The following FRMD4A variants were observed in gnomAD, a reference collection of about 807,000 sequenced individuals.
FRMD4A encodes FERM domain-containing protein 4A.
In FRMD4A, 29 loss-of-function variants were observed where a neutral mutation model predicts 129.1. The ratio of observed to expected loss-of-function variants is 0.22; its 90% CI spans 0.17 to 0.31. The LOEUF (loss-of-function observed/expected upper bound fraction) is 0.31. FRMD4A is among the 10% of genes least tolerant of loss of function. The pLI, the probability that FRMD4A is intolerant of heterozygous loss-of-function variation, is 1.00. For missense variants in FRMD4A, 1,272 were observed against 1,375.8 expected, an observed-to-expected ratio of 0.92 and a Z score of 1.19; for synonymous variants, 634 against 571.6, an observed-to-expected ratio of 1.11 and a Z score of -1.56.
intron 6 of FRMD4A, among the ~76,000 whole-genome samples, chr10:13,773,666 G>A (rs1035458442): frequency 6.6e-6 from 1 of 152,206 alleles, no homozygotes; most frequent in African/African-American, 2.4e-5. Flanking sequence ...TGTTTGCAAA[G>A]CTTTCAGACA....
At chr10:14,065,175 G>T (rs1588897404) in intron 2 of FRMD4A, among the ~76,000 whole-genome samples, 1 of 151,842 alleles carries the variant, frequency 6.6e-6, no homozygotes, top group Non-Finnish European at 1.5e-5. Context: ...CATTCATTGG[G>T]ACTTTTTTTT....
At chr10:13,751,763 C>T (rs2091636319) in intron 8 of FRMD4A, among the ~76,000 whole-genome samples, 1 of 152,208 alleles carries the variant, frequency 6.6e-6, no homozygotes, top group Non-Finnish European at 1.5e-5. Context: ...ATAATCCCAG[C>T]ACTTTGGGAG....
At chr10:14,184,821 T>C (rs557266068) in intron 2 of FRMD4A, among the ~76,000 whole-genome samples, 1 of 152,190 alleles carries the variant, frequency 6.6e-6, no homozygotes, top group Admixed American at 6.5e-5. Context: ...TTATTTTTTA[T>C]TTTTTAAGGA....
intron 2 of FRMD4A, among the ~76,000 whole-genome samples, chr10:14,078,076 C>T (rs182040574): frequency 6.6e-6 from 1 of 152,158 alleles, no homozygotes; most frequent in Non-Finnish European, 1.5e-5. Context: ...TAATTAATGA[C>T]CCTGTTATTA....
At chr10:13,993,050 A>G (rs1007024671) in intron 2 of FRMD4A, among the ~76,000 whole-genome samples, 5 of 151,388 alleles carry the variant, frequency 3.3e-5, no homozygotes, top group Admixed American at 6.6e-5. Flanking sequence ...TGCGTGTCCT[A>G]TGTCCCTACA....
At chr10:14,260,141 C>T (rs1844750585) in intron 2 of FRMD4A, among the ~76,000 whole-genome samples, 1 of 152,008 alleles carries the variant, frequency 6.6e-6, no homozygotes, top group Admixed American at 6.6e-5. Context: ...AAGAAGAAGA[C>T]ATGATGTGTG....
intron 6 of FRMD4A, among the ~76,000 whole-genome samples, chr10:13,777,791 A>ATTTTTT (rs34059772): frequency 2.3e-4 from 20 of 85,978 alleles, no homozygotes; most frequent in African/African-American, 6.7e-4. Flanking sequence ...CTTTGGGTCA[A>ATTTTTT]TTTTTTTTTT....
intron 2 of FRMD4A, among the ~76,000 whole-genome samples, chr10:14,160,119 T>C (rs918716791): frequency 2.6e-5 from 4 of 152,082 alleles, no homozygotes; most frequent in Admixed American, 2.6e-4. Context: ...CAGACACATA[T>C]ATCAATGGAA....
At chr10:14,276,200 C>T (rs140089663) in intron 2 of FRMD4A, among the ~76,000 whole-genome samples, 16 of 152,276 alleles carry the variant, frequency 1.1e-4, no homozygotes, top group African/African-American at 2.9e-4. Context: ...GGTCCCTTTT[C>T]GTTCTAAAAT....
At chr10:14,301,761 A>G (rs1462194216) in intron 2 of FRMD4A, among the ~76,000 whole-genome samples, 1 of 152,214 alleles carries the variant, frequency 6.6e-6, no homozygotes, top group Non-Finnish European at 1.5e-5. Context: ...CTAAATTCAC[A>G]AAGGACCAGA....
chr10:13,940,469 T>C (rs2095282616), intron 2 of FRMD4A, among the ~76,000 whole-genome samples: 1 of 152,180 alleles, frequency 6.6e-6, no homozygotes. Context: ...CTACATTTAA[T>C]TGGATGCCAT....
chr10:14,061,829 C>A (rs994231815), intron 2 of FRMD4A, among the ~76,000 whole-genome samples: 1 of 152,176 alleles, frequency 6.6e-6, no homozygotes, highest in African/African-American at 2.4e-5. Flanking sequence ...GTTGAAGATA[C>A]CATATGAGCC....
intron 2 of FRMD4A, among the ~76,000 whole-genome samples, chr10:14,295,934 T>C (rs766312738): frequency 2.6e-5 from 4 of 152,168 alleles, no homozygotes; most frequent in Non-Finnish European, 4.4e-5. Context: ...GAAACGATCT[T>C]TTTCGAAATG....
intron 2 of FRMD4A, among the ~76,000 whole-genome samples, chr10:14,246,761 G>A (rs1411700024): frequency 1.3e-5 from 2 of 152,162 alleles, no homozygotes; most frequent in African/African-American, 4.8e-5. Flanking sequence ...AGAAAGGGAG[G>A]TTAGGTCCCG....
intron 3 of FRMD4A, among the ~76,000 whole-genome samples, chr10:13,853,278 G>A (rs1204533163): frequency 2.2e-4 from 33 of 152,336 alleles, no homozygotes; most frequent in South Asian, 8.3e-4. Context: ...AGTGGCTCAC[G>A]CCTGCCATCT....
rs1327041004 is a variant in FRMD4A at position 13,734,831 on chromosome 10, CTTCTTTTTCTATTTAT to C, written c.759+2997_759+3012del. 5.3e-5 allele frequency among the ~76,000 whole-genome samples: 8 copies of C among 150,020 alleles called. No individual in the cohort carries two copies. In the East Asian group the frequency reaches 1.2e-3, roughly 22 times the overall value. ...AGGTATGCAATAACTTTTTTTTCTT[CTTCTTTTTCTATTTAT>C]TTATTTATTTATTTATTTATTTATT... is the stretch of plus-strand genomic sequence containing the variant. On this transcript the variant is annotated intron_variant, in intron 12 of 24. Coordinates refer to ENST00000357447, the MANE Select transcript of FRMD4A (RefSeq NM_018027.5).
intron 2 of FRMD4A, among the ~76,000 whole-genome samples, chr10:13,948,772 C>G (rs1384138976): frequency 6.6e-6 from 1 of 151,094 alleles, no homozygotes; most frequent in Non-Finnish European, 1.5e-5. Context: ...CTGCCTCAGC[C>G]TCCCTAGTAG....
chr10:13,681,142 A>T (rs1564596397), intron 15 of FRMD4A, among the ~76,000 whole-genome samples: 1 of 152,172 alleles, frequency 6.6e-6, no homozygotes, highest in Non-Finnish European at 1.5e-5. Context: ...TACAACAGGC[A>T]TCTTATACAC....
At chr10:14,009,264 T>C (rs1425819024) in intron 2 of FRMD4A, among the ~76,000 whole-genome samples, 1 of 152,170 alleles carries the variant, frequency 6.6e-6, no homozygotes, top group Non-Finnish European at 1.5e-5. Context: ...AAAAAATTAC[T>C]ACAAAGAAAA....
Sources: allele counts gnomAD v4.1 joint callset (sites outside exome capture counted in the v4.1 genomes callset), GRCh38; gene constraint gnomAD v4.1.1; transcripts MANE v1.5; gene names NCBI Gene and HGNC (gene_info 2026-07-23, HGNC 2026-07-21).